TPD52L1: variants seen among roughly 807,000 people sequenced by gnomAD.
TPD52L1 encodes the protein TPD52 like 1, also known as tumor protein D53.
A neutral mutation model predicts 28.7 loss-of-function variants in TPD52L1; 18 were observed. The observed-to-expected ratio is 0.63, with a 90% confidence interval of 0.43 to 0.93. The LOEUF (loss-of-function observed/expected upper bound fraction) is 0.93, where lower values mean the gene tolerates loss of function less well. TPD52L1 is among the 40% of genes least tolerant of loss of function. TPD52L1 has a pLI of 0.00. For missense variants in TPD52L1, 203 were observed against 254.8 expected, an observed-to-expected ratio of 0.80 and a Z score of 1.39; for synonymous variants, 75 against 88.8, an observed-to-expected ratio of 0.84 and a Z score of 0.88.
chr6:125,177,731 T>C (rs1247628305), intron 1 of TPD52L1, among the ~76,000 whole-genome samples: 1 of 152,214 alleles, frequency 6.6e-6, no homozygotes, highest in Non-Finnish European at 1.5e-5. Context: ...TTAGAAAATT[T>C]CCACTTTTAA....
At chr6:125,235,131 T>TAATAATAATAATAATAATAAA (rs1200773296) in intron 3 of TPD52L1, among the ~76,000 whole-genome samples, 5 of 149,866 alleles carry the variant, frequency 3.3e-5, no homozygotes, top group Admixed American at 6.7e-5. Flanking sequence ...ATAATAATAA[T>TAATAATAATAATAATAATAAA]AAAACACCAA....
At chr6:125,235,874 C>CT (rs1554214740) in intron 3 of TPD52L1, among the ~76,000 whole-genome samples, 3 of 151,690 alleles carry the variant, frequency 2.0e-5, no homozygotes, top group African/African-American at 4.8e-5. Flanking sequence ...GATCCCAAGT[C>CT]TATATATATA....
intron 4 of TPD52L1, among the ~76,000 whole-genome samples, chr6:125,249,106 C>T (rs1324820382): frequency 3.3e-5 from 5 of 150,998 alleles, no homozygotes; most frequent in African/African-American, 7.3e-5. Flanking sequence ...TAGTATTGCC[C>T]ATAGTTTTTC....
intron 4 of TPD52L1, among the ~76,000 whole-genome samples, chr6:125,251,472 T>C (rs1462037766): frequency 6.6e-6 from 1 of 152,216 alleles, no homozygotes. Context: ...AAAAGCTTTA[T>C]GTTAAGATTT....
chr6:125,173,658 A>G (rs963437822), intron 1 of TPD52L1, among the ~76,000 whole-genome samples: 1 of 152,180 alleles, frequency 6.6e-6, no homozygotes, highest in Non-Finnish European at 1.5e-5. Flanking sequence ...AAATATATAT[A>G]TATGCGTACA....
intron 1 of TPD52L1, among the ~76,000 whole-genome samples, chr6:125,184,626 T>C (rs995863004): frequency 2.6e-5 from 4 of 152,206 alleles, no homozygotes; most frequent in African/African-American, 9.6e-5. Flanking sequence ...AACACTGGTT[T>C]CATTTGATTC....
chr6:125,238,242 C>T (rs1796396634), intron 3 of TPD52L1, among the ~76,000 whole-genome samples: 1 of 152,210 alleles, frequency 6.6e-6, no homozygotes, highest in Admixed American at 6.5e-5. Context: ...TTCAAGATCA[C>T]ACCTCACTAA....
intron 1 of TPD52L1, among the ~76,000 whole-genome samples, chr6:125,178,044 C>T (rs1014617161): frequency 2.6e-5 from 4 of 152,110 alleles, no homozygotes; most frequent in African/African-American, 9.7e-5. Context: ...AAGCCATTAA[C>T]CAAATTAAAC....
chr6:125,157,648 C>G (rs1183270675), intron 1 of TPD52L1, among the ~76,000 whole-genome samples: 1 of 152,180 alleles, frequency 6.6e-6, no homozygotes, highest in East Asian at 1.9e-4. Context: ...AAAATAAAAA[C>G]TTCCTGATCC....
rs535384228 is a variant in TPD52L1, at chr6:125,236,722, G to A, written c.284+7456G>A. ...TACTTTTCCCTTGAGTCACGTTTCA[G>A]GCCACACAGAGTCAGTGGCAGGTGG... On this transcript the variant is annotated intron_variant, in intron 3 of 6. Transcript: ENST00000534000. 1.7e-4 allele frequency among the ~76,000 whole-genome samples: 26 copies of A among 152,180 alleles called. No individual in the cohort carries two copies. The South Asian group carries it at 4.8e-3, about 28-fold the overall frequency.
chr6:125,169,507 T>A (rs956422032), intron 1 of TPD52L1, among the ~76,000 whole-genome samples: 7 of 152,190 alleles, frequency 4.6e-5, no homozygotes, highest in African/African-American at 1.7e-4. Context: ...TTTCAGTTAA[T>A]GACAACTCCA....
rs753866038 is a variant in TPD52L1, at chr6:125,264,355, A to C, written c.*1393A>C. 1 of 152,226 alleles carries C rather than the reference A, an allele frequency of 6.6e-6. No homozygotes were observed. Among genetic ancestry groups the C allele is most frequent in the Admixed American group, 6.5e-5 (1 of 15,274 alleles). The allele number at this position is 152,226 out of a possible 1,614,324, so 9.4% of individuals were successfully genotyped here. On this transcript the variant is annotated 3_prime_UTR_variant, in exon 7 of 7. Coordinates refer to ENST00000534000, the MANE Select transcript of TPD52L1 (RefSeq NM_003287.4). ...TCATGTTTTGTGTTTATTAAATAGA[A>C]GTGATATATATGACATTTTGAAGTA...
intron 1 of TPD52L1, among the ~76,000 whole-genome samples, chr6:125,210,499 A>G (rs1336572340): frequency 6.6e-6 from 1 of 152,244 alleles, no homozygotes; most frequent in Non-Finnish European, 1.5e-5. Flanking sequence ...AGCCAGAATA[A>G]GAAACTGAAC....
Position 125,208,873 on chromosome 6 carries a change from A to G in TPD52L1, c.20-11205A>G, listed in dbSNP as rs954722167. The G allele has an allele frequency of 2.1e-5, 21 of 984,438 alleles. No individual in the cohort carries two copies. The African/African-American group carries it at 3.7e-4, about 17-fold the overall frequency. The allele number at this position is 984,438 out of a possible 1,614,324, so 61.0% of individuals were successfully genotyped here. ...GAGAGTCTGGGTCCTGAGCCCTCAC[A>G]CCAGTGAAGAGAACCTTTCAATCCC... On this transcript the variant is annotated intron_variant, in intron 1 of 6. Coordinates refer to ENST00000534000, the MANE Select transcript of TPD52L1 (RefSeq NM_003287.4).
intron 1 of TPD52L1, among the ~76,000 whole-genome samples, chr6:125,198,813 AC>A (rs1379784088): frequency 1.3e-5 from 2 of 152,164 alleles, no homozygotes; most frequent in Non-Finnish European, 2.9e-5. Flanking sequence ...GCCACAACTT[AC>A]GGGATGAGTA....
intron 2 of TPD52L1, among the ~76,000 whole-genome samples, chr6:125,226,647 T>C (rs1340047412): frequency 1.3e-5 from 2 of 151,978 alleles, no homozygotes; most frequent in Admixed American, 6.6e-5. Context: ...TGGAAAATAC[T>C]GTAACACTCA....
chr6:125,181,038 G>A (rs570663607), intron 1 of TPD52L1, among the ~76,000 whole-genome samples: 1 of 152,320 alleles, frequency 6.6e-6, no homozygotes, highest in Non-Finnish European at 1.5e-5. Context: ...GGCATTCTTA[G>A]AAGTTGGGTT....
chr6:125,191,525 A>C (rs944589896), intron 1 of TPD52L1, among the ~76,000 whole-genome samples: 1 of 152,184 alleles, frequency 6.6e-6, no homozygotes, highest in Non-Finnish European at 1.5e-5. Context: ...AGTGCAGAGG[A>C]ACCTACCCAT....
At chr6:125,252,678 A>C (rs915386536) in intron 4 of TPD52L1, 5 of 152,338 alleles carry the variant, frequency 3.3e-5, no homozygotes, top group African/African-American at 1.2e-4. Context: ...GAGATACACC[A>C]ATTGGTAATG....
Sources: allele counts gnomAD v4.1 joint callset (sites outside exome capture counted in the v4.1 genomes callset), GRCh38; gene constraint gnomAD v4.1.1; transcripts MANE v1.5; gene names NCBI Gene and HGNC (gene_info 2026-07-23, HGNC 2026-07-21).